The following SHISA6 variants were observed in gnomAD, a reference collection of about 807,000 sequenced individuals.
The protein encoded by SHISA6 is shisa family member 6.
In SHISA6, 22 loss-of-function variants were observed where a neutral mutation model predicts 47.9. That is an observed-to-expected ratio of 0.46 (90% CI 0.33 to 0.66). The LOEUF (loss-of-function observed/expected upper bound fraction) is 0.66. Ranked by LOEUF, SHISA6 falls within the 30% of genes least tolerant of loss-of-function variation. SHISA6 has a pLI of 0.02. For missense variants in SHISA6, 680 were observed against 764.6 expected (o/e 0.89, Z 1.30); for synonymous variants, 388 against 337.8 (o/e 1.15, Z -1.63).
rs368591503 is a variant in SHISA6 at position 11,528,985 on chromosome 17, G to C, written c.896-22911G>C. Among the ~76,000 whole-genome samples, 596 of 152,270 alleles carry C rather than the reference G, an allele frequency of 3.9e-3. 5 individuals are homozygous for C. Among genetic ancestry groups the C allele is most frequent in the African/African-American group, 0.013 (557 of 41,534 alleles). ...AGGCAGGCAGATCACGAGGTCGGGA[G>C]TTCGAGACCAGTCTGGCCAACATAG... On this transcript the variant is annotated intron_variant, in intron 3 of 5. Coordinates refer to ENST00000441885, the MANE Select transcript of SHISA6 (RefSeq NM_207386.4).
intron 3 of SHISA6, among the ~76,000 whole-genome samples, chr17:11,506,145 T>C (rs764091743): frequency 6.6e-6 from 1 of 152,196 alleles, no homozygotes; most frequent in Non-Finnish European, 1.5e-5. Flanking sequence ...TGATGAAAAT[T>C]CATTCTCTGA....
chr17:11,261,000 G>C (rs939407419), intron 1 of SHISA6, among the ~76,000 whole-genome samples: 3 of 152,012 alleles, frequency 2.0e-5, no homozygotes, highest in African/African-American at 7.3e-5. Context: ...CATTTCCTCC[G>C]GCATATTCAA....
intron 3 of SHISA6, among the ~76,000 whole-genome samples, chr17:11,445,306 T>C (rs1459336801): frequency 1.3e-5 from 2 of 152,172 alleles, no homozygotes; most frequent in Non-Finnish European, 2.9e-5. Context: ...CCTTGAGGTT[T>C]AGAATGGTGA....
At chr17:11,333,491 T>C (rs1271629237) in intron 2 of SHISA6, among the ~76,000 whole-genome samples, 2 of 152,042 alleles carry the variant, frequency 1.3e-5, no homozygotes, top group African/African-American at 4.8e-5. Flanking sequence ...CTCTATGTTC[T>C]TCTTCTTCTT....
chr17:11,431,527 T>C (rs1346734284), intron 3 of SHISA6, among the ~76,000 whole-genome samples: 2 of 152,234 alleles, frequency 1.3e-5, no homozygotes, highest in Admixed American at 6.5e-5. Flanking sequence ...GAAATGATAT[T>C]GTGGACACTG....
rs367885380 is a variant in SHISA6 at position 11,386,323 on chromosome 17, C to T, written c.895+6814C>T. Reference sequence around the variant, plus strand: ...TCGGGAGGTGGAAGTTGCAGTGAGCCGAGATCATGCCATTGCACTCCAGCC... The same window carrying T: ...TCGGGAGGTGGAAGTTGCAGTGAGCTGAGATCATGCCATTGCACTCCAGCC... On this transcript the variant is annotated intron_variant, in intron 3 of 5. Transcript: ENST00000441885. Among the ~76,000 whole-genome samples, 84 of 151,970 alleles carry T rather than the reference C, an allele frequency of 5.5e-4. 1 individual carries two copies. Among genetic ancestry groups the T allele is most frequent in the Middle Eastern group, 6.8e-3 (2 of 294 alleles).
rs181868045 is a variant in SHISA6 at position 11,469,262 on chromosome 17, C to G, written c.896-82634C>G. ...GCAGGCTCAATGTCATCACAAGGGT[C>G]CTTACAATAGGGAGGAAGCAAGATG... On this transcript the variant is annotated intron_variant, in intron 3 of 5. Coordinates refer to ENST00000441885, the MANE Select transcript of SHISA6 (RefSeq NM_207386.4). Among the ~76,000 whole-genome samples, 260 of 152,132 alleles carry G rather than the reference C, an allele frequency of 1.7e-3. 1 individual carries two copies. Among genetic ancestry groups the G allele is most frequent in the African/African-American group, 6.0e-3 (251 of 41,498 alleles).
chr17:11,472,811 T>C (rs1391596897), intron 3 of SHISA6, among the ~76,000 whole-genome samples: 1 of 152,224 alleles, frequency 6.6e-6, no homozygotes, highest in African/African-American at 2.4e-5. Flanking sequence ...AGAGCTTCTG[T>C]GCTCCACATC....
intron 3 of SHISA6, among the ~76,000 whole-genome samples, chr17:11,391,334 T>C (rs940138332): frequency 2.0e-5 from 3 of 152,072 alleles, no homozygotes; most frequent in African/African-American, 7.2e-5. Flanking sequence ...GTAGGACACC[T>C]GTAGGGGGCA....
chr17:11,517,235 C>G (rs886113493), intron 3 of SHISA6, among the ~76,000 whole-genome samples: 1 of 152,036 alleles, frequency 6.6e-6, no homozygotes, highest in Non-Finnish European at 1.5e-5. Flanking sequence ...GGAAAGCAGG[C>G]TGGAGGGGAA....
At chr17:11,513,292 T>C (rs189576293) in intron 3 of SHISA6, among the ~76,000 whole-genome samples, 105 of 152,016 alleles carry the variant, frequency 6.9e-4, no homozygotes, top group African/African-American at 2.3e-3. Flanking sequence ...CACATACTTT[T>C]CCAGTCTGAG....
In SHISA6 at chr17:11,241,418, C is replaced by A; in HGVS notation, c.-5C>A. The A allele has an allele frequency of 1.7e-6, 2 of 1,147,288 alleles. No homozygotes were observed. Among genetic ancestry groups the A allele is most frequent in the Non-Finnish European group, 1.1e-6 (1 of 924,244 alleles). 71.1% of individuals were successfully genotyped at this position (1,147,288 alleles called of 1,614,324 possible). A position where few individuals can be genotyped will look rare whatever the true frequency, so the allele number is the denominator to read the frequency against. On this transcript the variant is annotated 5_prime_UTR_variant, in exon 1 of 6. Coordinates refer to ENST00000441885, the MANE Select transcript of SHISA6 (RefSeq NM_207386.4). The surrounding 1 kb of genome is among the most constrained non-coding windows in gnomAD (Gnocchi z 5.5). ...CCTCCCCGCGCCCTCCCGCCCGGCC[C>A]CGCCATGGCGCTGCGGCGCCTCCTG...
intron 2 of SHISA6, among the ~76,000 whole-genome samples, chr17:11,274,122 G>T (rs1438318069): frequency 6.6e-6 from 1 of 152,148 alleles, no homozygotes; most frequent in Non-Finnish European, 1.5e-5. Context: ...CTGCCTGGTG[G>T]CTGCACAGGC....
At chr17:11,522,811 G>A (rs2071642270) in intron 3 of SHISA6, among the ~76,000 whole-genome samples, 1 of 152,118 alleles carries the variant, frequency 6.6e-6, no homozygotes, top group South Asian at 2.1e-4. Context: ...CATATTATTT[G>A]TTCCTTATCA....
At position 11,291,640 on chromosome 17, in the gene SHISA6, A is replaced by G. The variant is rs142346864; in HGVS notation, c.799+28114A>G. Among the ~76,000 whole-genome samples, 224 of 152,018 alleles carry G rather than the reference A, an allele frequency of 1.5e-3. 1 individual carries two copies. The highest frequency in any genetic ancestry group is 5.2e-3 in the African/African-American group (214 of 41,466). ...CAGAGCGAGACTCTGTCTCAAAACA[A>G]CAACAACAACAACAACAACAAAGCA... On this transcript the variant is annotated intron_variant, in intron 2 of 5. Transcript: ENST00000441885.
chr17:11,257,660 C>A (rs75204195), intron 1 of SHISA6, among the ~76,000 whole-genome samples: 244 of 136,516 alleles, frequency 1.8e-3, no homozygotes, highest in Non-Finnish European at 2.1e-3. Context: ...GATCCTGTCT[C>A]AAAAAAAAAA....
At chr17:11,275,678 C>A (rs2142156527) in intron 2 of SHISA6, among the ~76,000 whole-genome samples, 1 of 152,226 alleles carries the variant, frequency 6.6e-6, no homozygotes, top group African/African-American at 2.4e-5. Flanking sequence ...ACCACTGAAG[C>A]CGAGACCCAA....
At chr17:11,468,952 G>A (rs1915871764) in intron 3 of SHISA6, among the ~76,000 whole-genome samples, 1 of 138,008 alleles carries the variant, frequency 7.2e-6, no homozygotes, top group Non-Finnish European at 1.5e-5. Flanking sequence ...GGAGGTAGAG[G>A]TTGCAGTGAG....
chr17:11,416,879 G>GGTAA (rs986677130), intron 3 of SHISA6, among the ~76,000 whole-genome samples: 1 of 151,962 alleles, frequency 6.6e-6, no homozygotes, highest in Non-Finnish European at 1.5e-5. Flanking sequence ...AACCCTTTAA[G>GGTAA]GTAAGTATTC....
Sources: gnomAD v4.1 joint callset for allele counts (sites outside exome capture counted in the v4.1 genomes callset) on GRCh38, gnomAD v4.1.1 for gene constraint, Gnocchi (gnomAD v3.1) non-coding constraint, MANE v1.5 for transcripts, NCBI Gene and HGNC (gene_info 2026-07-23, HGNC 2026-07-21) for gene names.